The following INPP5A variants were observed in gnomAD, a reference collection of about 807,000 sequenced individuals.
The protein encoded by INPP5A is inositol polyphosphate-5-phosphatase A.
INPP5A carries 14 observed loss-of-function variants against 65.2 expected under a neutral mutation model. The ratio of observed to expected loss-of-function variants is 0.21; its 90% CI spans 0.14 to 0.34. The LOEUF is 0.34. INPP5A is among the 10% of genes least tolerant of loss of function. INPP5A has a pLI of 1.00. For missense variants in INPP5A, 431 were observed against 545.6 expected (o/e 0.79, Z 2.09); for synonymous variants, 207 against 208.3 (o/e 0.99, Z 0.05).
At chr10:132,599,645 G>A (rs996009647) in intron 1 of INPP5A, among the ~76,000 whole-genome samples, 2 of 152,242 alleles carry the variant, frequency 1.3e-5, no homozygotes, top group African/African-American at 2.4e-5. Flanking sequence ...GAGACTCTGT[G>A]TGGGGGCTCT....
intron 2 of INPP5A, among the ~76,000 whole-genome samples, chr10:132,621,112 G>A (rs1300742475): frequency 2.0e-5 from 3 of 152,164 alleles, no homozygotes; most frequent in Admixed American, 6.5e-5. Context: ...GAATAGAAAA[G>A]AGCATTCTCA....
chr10:132,570,874 C>T (rs994933954), intron 1 of INPP5A, among the ~76,000 whole-genome samples: 15 of 152,344 alleles, frequency 9.8e-5, no homozygotes, highest in African/African-American at 3.4e-4. Context: ...GATAGAGGGC[C>T]GTCCTTCCGG....
In INPP5A at chr10:132,538,211, C is replaced by CCCCCGA. The variant is rs2070865737; in HGVS notation, c.75+44_75+49dup. 8.4e-7 allele frequency: 1 copy of CCCCCGA among 1,195,312 alleles called. No individual in the cohort carries two copies. 74.0% of individuals were successfully genotyped at this position (1,195,312 alleles called of 1,614,324 possible). A position where few individuals can be genotyped will look rare whatever the true frequency, so the allele number is the denominator to read the frequency against. The stretch of plus-strand genomic sequence containing the variant: ...CCGGCGGCAGGCCCCAAGCCCGGAA[C>CCCCCGA]CCCCGACCCTGACCCCGGGGTCCCG... On this transcript the variant is annotated intron_variant, in intron 1 of 15. Coordinates refer to ENST00000368594, the MANE Select transcript of INPP5A (RefSeq NM_005539.5). The surrounding 1 kb of genome is among the most constrained non-coding windows in gnomAD (Gnocchi z 4.1).
intron 3 of INPP5A, among the ~76,000 whole-genome samples, chr10:132,648,248 C>T (rs540761858): frequency 2.0e-5 from 3 of 152,276 alleles, no homozygotes; most frequent in South Asian, 2.1e-4. Context: ...GCGGGGACAC[C>T]GCAGGCCGGA....
At chr10:132,722,649 G>C (rs1845908050) in intron 8 of INPP5A, among the ~76,000 whole-genome samples, 1 of 152,176 alleles carries the variant, frequency 6.6e-6, no homozygotes, top group South Asian at 2.1e-4. Context: ...TTGTCCTGGA[G>C]ACACGCTGAC....
Position 132,726,854 on chromosome 10 carries a change from C to T in INPP5A, c.681C>T (p.Tyr227=), listed in dbSNP as rs765797612. The part of the protein sequence containing the change: ...IIDQRFEKVS[Y]FVFGDFNFRL... ...ATCAGCGATTCGAGAAGGTTTCCTA[C>T]TTTGTATTTGGTGATTTCAACTTCC... Residue 227 remains tyrosine (Y), a synonymous_variant, in exon 9 of 16, where the codon TAC becomes TAT. Coordinates refer to ENST00000368594, the MANE Select transcript of INPP5A (RefSeq NM_005539.5). The T allele has an allele frequency of 8.1e-6, 13 of 1,609,596 alleles. No individual in the cohort carries two copies. Among genetic ancestry groups the T allele is most frequent in the Non-Finnish European group, 1.0e-5 (12 of 1,177,042 alleles).
At chr10:132,781,580 T>C (rs1380583188) in intron 14 of INPP5A, among the ~76,000 whole-genome samples, 1 of 152,222 alleles carries the variant, frequency 6.6e-6, no homozygotes, top group Non-Finnish European at 1.5e-5. Flanking sequence ...TTCTTTTACA[T>C]CAGTTTTTCC....
At chr10:132,662,792 C>A (rs1472470285) in intron 4 of INPP5A, among the ~76,000 whole-genome samples, 1 of 152,174 alleles carries the variant, frequency 6.6e-6, no homozygotes, top group Non-Finnish European at 1.5e-5. Flanking sequence ...TGTAGTTTAG[C>A]AAACACAATC....
In INPP5A at chr10:132,587,885, G is replaced by A. The variant is rs2071565628; in HGVS notation, c.76-20030G>A. 6.6e-6 allele frequency among the ~76,000 whole-genome samples: 1 copy of A among 151,944 alleles called. No homozygotes were observed. The highest frequency in any genetic ancestry group is 6.6e-5 in the Admixed American group (1 of 15,248). ...AAATTAGCCGGGCATGGTGGTGCACGCCTGTAATCCCAGCTACTTAGGAGG... is the reference window on the plus strand; with the variant it reads ...AAATTAGCCGGGCATGGTGGTGCACACCTGTAATCCCAGCTACTTAGGAGG... On this transcript the variant is annotated intron_variant, in intron 1 of 15. Transcript: ENST00000368594. The surrounding 1 kb of genome is among the most constrained non-coding windows in gnomAD (Gnocchi z 4.3).
intron 2 of INPP5A, among the ~76,000 whole-genome samples, chr10:132,640,682 C>T (rs982826660): frequency 1.2e-4 from 18 of 152,244 alleles, no homozygotes; most frequent in Admixed American, 1.2e-3. Flanking sequence ...CCTCCGAGGG[C>T]CACATGCTCC....
At chr10:132,590,990 T>G (rs1233595764) in intron 1 of INPP5A, among the ~76,000 whole-genome samples, 2 of 152,206 alleles carry the variant, frequency 1.3e-5, no homozygotes, top group African/African-American at 4.8e-5. Context: ...GGGCCCAGGC[T>G]GCTGTCACAG....
intron 8 of INPP5A, among the ~76,000 whole-genome samples, chr10:132,718,933 A>G (rs1388309244): frequency 3.0e-5 from 4 of 133,204 alleles, no homozygotes; most frequent in Non-Finnish European, 4.8e-5. Flanking sequence ...GTTCTGTGGT[A>G]CCTGGGTTCT....
rs564757865 is a variant in INPP5A at position 132,562,824 on chromosome 10, G to A, written c.75+24653G>A. On this transcript the variant is annotated intron_variant, in intron 1 of 15. Transcript: ENST00000368594. ...TGGATGGCAGCTGCAGAGGCCCCTC[G>A]AGAGGGACAGAGCCTTGAGCTTGGA... 7.9e-5 allele frequency among the ~76,000 whole-genome samples: 12 copies of A among 152,332 alleles called. No homozygotes were observed. In the East Asian group the frequency reaches 2.1e-3, roughly 27 times the overall value.
intron 12 of INPP5A, among the ~76,000 whole-genome samples, chr10:132,769,300 C>G (rs556110627): frequency 6.6e-6 from 1 of 152,232 alleles, no homozygotes; most frequent in Non-Finnish European, 1.5e-5. Context: ...TTCTTCCTAG[C>G]GCCTTCTTTA....
At chr10:132,672,717 C>T (rs530588733) in intron 4 of INPP5A, among the ~76,000 whole-genome samples, 4 of 152,322 alleles carry the variant, frequency 2.6e-5, no homozygotes, top group South Asian at 4.1e-4. Context: ...TTTGGAAAAA[C>T]GTGATTTCTC....
At chr10:132,747,158 T>C (rs1846385010) in intron 9 of INPP5A, among the ~76,000 whole-genome samples, 1 of 152,256 alleles carries the variant, frequency 6.6e-6, no homozygotes, top group African/African-American at 2.4e-5. Flanking sequence ...CTTCTCCCAT[T>C]CAGGGAAAGC....
intron 2 of INPP5A, among the ~76,000 whole-genome samples, chr10:132,623,489 T>A: frequency 6.6e-6 from 1 of 151,418 alleles, no homozygotes. Flanking sequence ...TACACAAAAA[T>A]TAACTCAAAA....
intron 2 of INPP5A, among the ~76,000 whole-genome samples, chr10:132,614,979 G>A (rs1017891914): frequency 1.3e-5 from 2 of 152,272 alleles, no homozygotes; most frequent in African/African-American, 4.8e-5. Context: ...GCAGGCTGCG[G>A]TGTTTTGTTG....
chr10:132,565,545 G>T (rs2071261488), intron 1 of INPP5A, among the ~76,000 whole-genome samples: 1 of 152,238 alleles, frequency 6.6e-6, no homozygotes, highest in Non-Finnish European at 1.5e-5. Context: ...CTTCCTGTGT[G>T]TGTGTATATA....
Sources: allele counts gnomAD v4.1 joint callset (sites outside exome capture counted in the v4.1 genomes callset), GRCh38; gene constraint gnomAD v4.1.1; non-coding constraint Gnocchi (gnomAD v3.1); transcripts MANE v1.5; gene names NCBI Gene and HGNC (gene_info 2026-07-23, HGNC 2026-07-21).